The following ASIC2 variants were observed in gnomAD, a reference collection of about 807,000 sequenced individuals.
ASIC2 encodes acid sensing ion channel subunit 2.
Under a neutral mutation model 57.3 loss-of-function variants are expected in ASIC2, and 25 were observed. The observed-to-expected ratio is 0.44, with a 90% confidence interval of 0.32 to 0.61. ASIC2 has a LOEUF of 0.61. ASIC2 is among the 20% of genes least tolerant of loss of function. The pLI is 0.06. For synonymous variants in ASIC2, 319 were observed against 307.5 expected, an observed-to-expected ratio of 1.04 and a Z score of -0.39; for missense variants, 641 against 738.1, an observed-to-expected ratio of 0.87 and a Z score of 1.52.
chr17:33,579,337 C>T lies in ASIC2; in HGVS notation c.556-467270G>A, dbSNP rs28420477. ...GGGTGACTCAGATGTTGGCTCAGGG[C>T]ACACTGGAACACGATGTGGCTTGGT... On this transcript the variant is annotated intron_variant, in intron 1 of 9. Coordinates refer to the ASIC2 transcript ENST00000359872. 5.3e-3 allele frequency among the ~76,000 whole-genome samples: 795 copies of T among 149,432 alleles called. 8 individuals carry two copies. The highest frequency in any genetic ancestry group is 0.018 in the African/African-American group (741 of 40,352).
At chr17:33,313,826 T>C (rs1906533638) in intron 1 of ASIC2, among the ~76,000 whole-genome samples, 1 of 151,980 alleles carries the variant, frequency 6.6e-6, no homozygotes, top group South Asian at 2.1e-4. Flanking sequence ...CTAGAATAGC[T>C]AAGTGAGGAA....
At chr17:33,968,357 T>G (rs1478448403) in intron 1 of ASIC2, among the ~76,000 whole-genome samples, 1 of 152,148 alleles carries the variant, frequency 6.6e-6, no homozygotes, top group African/African-American at 2.4e-5. Flanking sequence ...CCTCTAAAAA[T>G]AAAGCCCGCC....
At chr17:33,522,834 G>A (rs569731985) in intron 1 of ASIC2, among the ~76,000 whole-genome samples, 14 of 152,322 alleles carry the variant, frequency 9.2e-5, no homozygotes, top group East Asian at 3.9e-4. Flanking sequence ...CACTGAAGCC[G>A]TGTGGCATCG....
intron 1 of ASIC2, among the ~76,000 whole-genome samples, chr17:33,687,308 G>C (rs1217252756): frequency 6.6e-6 from 1 of 152,190 alleles, no homozygotes; most frequent in African/African-American, 2.4e-5. Context: ...TCTGGAGGGA[G>C]AGGATCAGGT....
At chr17:33,438,550 C>T (rs1911708618) in intron 1 of ASIC2, among the ~76,000 whole-genome samples, 1 of 151,918 alleles carries the variant, frequency 6.6e-6, no homozygotes, top group Non-Finnish European at 1.5e-5. Context: ...TTTTGTTGAA[C>T]ACATTGAGCT....
intron 1 of ASIC2, among the ~76,000 whole-genome samples, chr17:33,541,800 G>T (rs1597775634): frequency 1.3e-5 from 2 of 152,242 alleles, no homozygotes; most frequent in East Asian, 3.9e-4. Flanking sequence ...CCATCTCCAG[G>T]TGTGGATCCC....
At chr17:33,423,944 T>C (rs2141973479) in intron 1 of ASIC2, among the ~76,000 whole-genome samples, 1 of 152,326 alleles carries the variant, frequency 6.6e-6, no homozygotes, top group South Asian at 2.1e-4. Context: ...AAGTCCTTTT[T>C]CCTCTCTGTG....
chr17:33,017,056 C>T (rs1360186470), intron 8 of ASIC2, among the ~76,000 whole-genome samples: 3 of 152,202 alleles, frequency 2.0e-5, no homozygotes, highest in Non-Finnish European at 4.4e-5. Context: ...GACATTTCCC[C>T]AGACTGTCAG....
At chr17:33,063,634 T>A (rs1476985689) in intron 3 of ASIC2, among the ~76,000 whole-genome samples, 1 of 152,228 alleles carries the variant, frequency 6.6e-6, no homozygotes, top group Non-Finnish European at 1.5e-5. Context: ...CTGACAATTA[T>A]GTGTCTTGGA....
chr17:33,935,641 G>A (rs12952743), intron 1 of ASIC2: 46,057 of 151,900 alleles, frequency 0.3, 7,091 homozygotes, highest in Admixed American at 0.37. Context: ...CTAAAATCCT[G>A]CTCCCACATT....
chr17:33,261,273 ACT>A (rs1434716433), intron 1 of ASIC2, among the ~76,000 whole-genome samples: 1 of 152,182 alleles, frequency 6.6e-6, no homozygotes. Context: ...CACAATAAAC[ACT>A]GTCTCCCATC....
intron 1 of ASIC2, chr17:34,038,643 C>A: frequency 3.8e-6 from 6 of 1,590,032 alleles, no homozygotes; most frequent in Non-Finnish European, 5.2e-6. Flanking sequence ...AGTTTTCTAA[C>A]CCTTTCTAGC....
At chr17:33,141,821 G>A (rs538529121) in intron 1 of ASIC2, among the ~76,000 whole-genome samples, 3 of 152,180 alleles carry the variant, frequency 2.0e-5, no homozygotes, top group Admixed American at 1.3e-4. Flanking sequence ...GTTTCCATGC[G>A]TGAACCTCTT....
intron 1 of ASIC2, among the ~76,000 whole-genome samples, chr17:33,148,969 G>A (rs1038399617): frequency 2.6e-5 from 4 of 151,982 alleles, no homozygotes; most frequent in East Asian, 1.9e-4. Flanking sequence ...TGGCAGGCAC[G>A]TGTAGTCCCA....
chr17:33,577,166 T>G (rs983640477), intron 1 of ASIC2, among the ~76,000 whole-genome samples: 1 of 152,136 alleles, frequency 6.6e-6, no homozygotes, highest in African/African-American at 2.4e-5. Context: ...CCATTGCCAC[T>G]GAGTGCTGTG....
At chr17:33,351,676 G>A (rs531836483) in intron 1 of ASIC2, among the ~76,000 whole-genome samples, 2 of 152,276 alleles carry the variant, frequency 1.3e-5, no homozygotes, top group East Asian at 1.9e-4. Context: ...GGTGCCTGTC[G>A]AAATGCATTC....
intron 1 of ASIC2, among the ~76,000 whole-genome samples, chr17:34,100,321 A>G (rs1415094113): frequency 6.6e-6 from 1 of 151,982 alleles, no homozygotes; most frequent in Non-Finnish European, 1.5e-5. Context: ...TTTATAATGC[A>G]GTTTGTTAAC....
chr17:33,117,970 C>T (rs1274959712), intron 1 of ASIC2, among the ~76,000 whole-genome samples: 4 of 152,130 alleles, frequency 2.6e-5, no homozygotes, highest in South Asian at 2.1e-4. Context: ...GCCACATGCC[C>T]CTGCTTGTCT....
At chr17:33,444,415 T>C (rs1567862829) in intron 1 of ASIC2, among the ~76,000 whole-genome samples, 1 of 152,120 alleles carries the variant, frequency 6.6e-6, no homozygotes, top group Non-Finnish European at 1.5e-5. Context: ...CAAGAGGTCA[T>C]AGAAATAGTG....
Sources: allele counts gnomAD v4.1 joint callset (sites outside exome capture counted in the v4.1 genomes callset), GRCh38; gene constraint gnomAD v4.1.1; transcripts MANE v1.5; gene names NCBI Gene and HGNC (gene_info 2026-07-23, HGNC 2026-07-21).